Variants in GYPB observed in about 807,000 individuals in gnomAD.
GYPB encodes the protein glycophorin-B.
A neutral mutation model predicts 15.3 loss-of-function variants in GYPB; 13 were observed. The ratio of observed to expected loss-of-function variants is 0.85; its 90% confidence interval spans 0.55 to 1.35. The LOEUF (loss-of-function observed/expected upper bound fraction) is 1.35, where lower values mean the gene tolerates loss of function less well. Ranked by LOEUF, GYPB falls within the 40% of genes most tolerant of loss-of-function variation. The pLI is 0.00. For missense variants in GYPB, 131 were observed against 108.3 expected (o/e 1.21, Z -0.93); for synonymous variants, 38 against 36.9 (o/e 1.03, Z -0.11).
At position 144,019,320 on chromosome 4, in the gene GYPB, G is replaced by A. The variant is rs1040067321; in HGVS notation, c.-33C>T. Reference sequence around the variant, plus strand: ...TCATGAGCTGGTTCCTGAAGTTAGTGCAAAAAAACTACCAAAGACAACTGC... The same window carrying A: ...TCATGAGCTGGTTCCTGAAGTTAGTACAAAAAAACTACCAAAGACAACTGC... On this transcript the variant is annotated 5_prime_UTR_variant, in exon 1 of 5. Transcript: ENST00000502664. 6.2e-7 allele frequency: 1 copy of A among 1,611,504 alleles called. No homozygotes were observed. Among genetic ancestry groups the A allele is most frequent in the Non-Finnish European group, 8.5e-7 (1 of 1,179,324 alleles).
chr4:144,010,261 T>C (rs1418195659), intron 1 of GYPB, among the ~76,000 whole-genome samples: 5 of 151,152 alleles, frequency 3.3e-5, no homozygotes, highest in Non-Finnish European at 7.4e-5. Flanking sequence ...GCCAGGAGCT[T>C]GAGACCAGCC....
intron 1 of GYPB, among the ~76,000 whole-genome samples, chr4:144,004,145 C>T (rs1579054691): frequency 6.6e-6 from 1 of 151,922 alleles, no homozygotes; most frequent in East Asian, 1.9e-4. Context: ...CTTTAATTCA[C>T]CAGAATCAGT....
rs1049286803 is a variant in GYPB at position 144,019,347 on chromosome 4, A to G, written c.-60T>C. On this transcript the variant is annotated 5_prime_UTR_variant, in exon 1 of 5. Coordinates refer to ENST00000502664, the MANE Select transcript of GYPB (RefSeq NM_002100.6). ...AAAAAAACTACCAAAGACAACTGCA[A>G]GTGTCAGTGTCTGGCCTTAGCCTAC... 1.9e-6 allele frequency: 3 copies of G among 1,611,362 alleles called. No individual in the cohort carries two copies. The African/African-American group carries it at 4.1e-5, about 22-fold the overall frequency.
chr4:143,999,653 G>A (rs2149956665), intron 2 of GYPB, among the ~76,000 whole-genome samples: 1 of 151,494 alleles, frequency 6.6e-6, no homozygotes, highest in East Asian at 1.9e-4. Context: ...TACTTTTAAT[G>A]ACCCAACACG....
At chr4:143,995,417 C>T (rs575523702), downstream of GYPB, among the ~76,000 whole-genome samples, 2 of 151,414 alleles carry the variant, frequency 1.3e-5, no homozygotes, top group Admixed American at 1.3e-4. Flanking sequence ...ACCTCAGACA[C>T]TCCTTCTGAC....
intron 1 of GYPB, among the ~76,000 whole-genome samples, chr4:144,004,165 A>T (rs1409267914): frequency 6.6e-6 from 1 of 151,876 alleles, no homozygotes; most frequent in African/African-American, 2.4e-5. Flanking sequence ...TTGCTCTGAT[A>T]CAACTTCTTA....
chr4:144,004,540 CA>C, intron 1 of GYPB, among the ~76,000 whole-genome samples: 1 of 151,090 alleles, frequency 6.6e-6, no homozygotes, highest in Non-Finnish European at 1.5e-5. Context: ...AGAATAGAAT[CA>C]CATGGGGGCA....
chr4:144,013,756 C>T (rs1728341568), intron 1 of GYPB, among the ~76,000 whole-genome samples: 1 of 104,516 alleles, frequency 9.6e-6, no homozygotes, highest in Admixed American at 1.5e-4. Context: ...ATATTACACT[C>T]TGGGGACTGC....
At chr4:144,010,192 G>T (rs1307095506) in intron 1 of GYPB, among the ~76,000 whole-genome samples, 1 of 151,326 alleles carries the variant, frequency 6.6e-6, no homozygotes, top group East Asian at 1.9e-4. Flanking sequence ...GTCTAGGTGT[G>T]GTGGCTCATG....
At chr4:144,011,562 G>C (rs896175667) in intron 1 of GYPB, among the ~76,000 whole-genome samples, 2 of 150,982 alleles carry the variant, frequency 1.3e-5, no homozygotes, top group African/African-American at 5.0e-5. Flanking sequence ...ATATAGCAAC[G>C]AGAAACATAA....
In GYPB at chr4:144,019,301, G is replaced by A; in HGVS notation, c.-14C>T. The A allele has an allele frequency of 6.2e-7, 1 of 1,611,794 alleles. No individual in the cohort carries two copies. The highest frequency in any genetic ancestry group is 1.1e-5 in the South Asian group (1 of 90,984). ...TTTTCCATACATCCTGAGATCATGA[G>A]CTGGTTCCTGAAGTTAGTGCAAAAA... On this transcript the variant is annotated 5_prime_UTR_variant, in exon 1 of 5. Coordinates refer to ENST00000502664, the MANE Select transcript of GYPB (RefSeq NM_002100.6).
At chr4:144,008,920 T>G (rs183193755) in intron 1 of GYPB, among the ~76,000 whole-genome samples, 16 of 151,572 alleles carry the variant, frequency 1.1e-4, no homozygotes, top group Non-Finnish European at 1.9e-4. Flanking sequence ...TATGTAAACT[T>G]CATCTTCCTG....
chr4:144,002,571 C>G, intron 1 of GYPB: 3 of 1,282,662 alleles, frequency 2.3e-6, no homozygotes, highest in Non-Finnish European at 3.0e-6. Flanking sequence ...GTAGATGTAC[C>G]TTTGCTCATC....
intron 1 of GYPB, among the ~76,000 whole-genome samples, chr4:144,002,183 T>A (rs533526607): frequency 8.6e-5 from 13 of 151,426 alleles, no homozygotes; most frequent in African/African-American, 2.9e-4. Flanking sequence ...CAATAAAGAA[T>A]ATTTGGGAAC....
chr4:143,996,962 A>G (rs1727350338), intron 4 of GYPB, among the ~76,000 whole-genome samples: 1 of 150,934 alleles, frequency 6.6e-6, no homozygotes, highest in Non-Finnish European at 1.5e-5. Context: ...GCTGGAGTGC[A>G]GTAGCATGAT....
intron 1 of GYPB, among the ~76,000 whole-genome samples, chr4:144,016,201 C>T (rs1391764659): frequency 2.1e-5 from 3 of 140,770 alleles, no homozygotes; most frequent in Admixed American, 7.2e-5. Flanking sequence ...TTAACATGTG[C>T]TTCTCAGACT....
chr4:144,005,480 AT>A (rs1242854937), intron 1 of GYPB, among the ~76,000 whole-genome samples: 2 of 151,890 alleles, frequency 1.3e-5, no homozygotes, highest in South Asian at 2.1e-4. Flanking sequence ...CATTTTGATG[AT>A]TTTTTTCCAC....
chr4:144,016,117 C>G (rs1375597477), intron 1 of GYPB, among the ~76,000 whole-genome samples: 1 of 118,078 alleles, frequency 8.5e-6, no homozygotes, highest in African/African-American at 3.6e-5. Flanking sequence ...AGACAGCTAG[C>G]AAGGCTCTCT....
At chr4:144,017,373 A>T (rs749878206) in intron 1 of GYPB, among the ~76,000 whole-genome samples, 7 of 150,630 alleles carry the variant, frequency 4.6e-5, no homozygotes, top group Non-Finnish European at 1.0e-4. Flanking sequence ...AAAGAAAAAG[A>T]CTTCACCATG....
Sources: allele counts gnomAD v4.1 joint callset (sites outside exome capture counted in the v4.1 genomes callset), GRCh38; gene constraint gnomAD v4.1.1; transcripts MANE v1.5; gene names NCBI Gene and HGNC (gene_info 2026-07-23, HGNC 2026-07-21).